Variants in TMEM209 observed in about 807,000 individuals in gnomAD.
The protein encoded by TMEM209 is transmembrane protein 209.
Under a neutral mutation model 76.2 loss-of-function variants are expected in TMEM209, and 65 were observed. The ratio of observed to expected loss-of-function variants is 0.85; its 90% confidence interval spans 0.70 to 1.05. The LOEUF is 1.05. Ranked by LOEUF, TMEM209 falls within the 50% of genes least tolerant of loss-of-function variation. The pLI is 0.00. For missense variants in TMEM209, 623 were observed against 685.5 expected (o/e 0.91, Z 1.02); for synonymous variants, 239 against 237.6 (o/e 1.01, Z -0.06).
At chr7:130,188,592 T>A (rs1302429901) in intron 6 of TMEM209, among the ~76,000 whole-genome samples, 3 of 78,354 alleles carry the variant, frequency 3.8e-5, no homozygotes, top group Non-Finnish European at 4.6e-5. Flanking sequence ...TGAGACTCCG[T>A]ATCAAAAAAA....
rs377325560 is a variant in TMEM209 at position 130,192,739 on chromosome 7, G to T, written c.658C>A (p.Arg220Ser). 38 of 1,613,744 alleles carry T rather than the reference G, an allele frequency of 2.4e-5. No homozygotes were observed. The highest frequency in any genetic ancestry group is 3.3e-5 in the South Asian group (3 of 91,080). Residue 220 changes from arginine (R) to serine (S), a missense_variant, in exon 6 of 15, where the codon CGT becomes AGT. Transcript: ENST00000397622. ...GAGTTGTAGACGGTAGGTGAAGAAC[G>T]GTAGCGAGATCTCAATCCACTGCTC... Reference protein sequence around the residue: ...VESSGLRSRYRSSPTVYNSPT... With the variant: ...VESSGLRSRYSSSPTVYNSPT...
rs1026203708 is a variant in TMEM209 at position 130,172,343 on chromosome 7, T to A, written c.1557+1289A>T. Among the ~76,000 whole-genome samples, 13 of 152,024 alleles carry A rather than the reference T, an allele frequency of 8.6e-5. No homozygotes were observed. In the East Asian group the frequency reaches 2.5e-3, roughly 29 times the overall value. ...CATTTTCAGCAGTATTTATTTATTT[T>A]ATTTTATTTATTTTTTTGAGACGGA... On this transcript the variant is annotated intron_variant, in intron 13 of 14. Transcript: ENST00000397622.
Position 130,196,979 on chromosome 7 carries a change from C to T in TMEM209, c.574-4156G>A, listed in dbSNP as rs148679931. On this transcript the variant is annotated intron_variant, in intron 5 of 14. Coordinates refer to ENST00000397622, the MANE Select transcript of TMEM209 (RefSeq NM_032842.4). ...TGGTGGCTCATGCCTGTAATCCCAGCACTTTGGGAGGCTGAGGCAGGAAGA... is the reference window on the plus strand; with the variant it reads ...TGGTGGCTCATGCCTGTAATCCCAGTACTTTGGGAGGCTGAGGCAGGAAGA... Among the ~76,000 whole-genome samples the T allele has an allele frequency of 3.3e-3, 506 of 152,274 alleles. 2 individuals carry two copies. The highest frequency in any genetic ancestry group is 0.011 in the African/African-American group (473 of 41,548).
At chr7:130,170,303 T>C in intron 14 of TMEM209, 97 bp downstream of exon 14, 1 of 1,023,904 alleles carries the variant, frequency 9.8e-7, no homozygotes, top group East Asian at 2.4e-5. Flanking sequence ...GTTCAATCCA[T>C]AAACCTTCAG....
intron 1 of TMEM209, among the ~76,000 whole-genome samples, chr7:130,204,503 G>A (rs1024267481): frequency 6.6e-6 from 1 of 152,046 alleles, no homozygotes; most frequent in Non-Finnish European, 1.5e-5. Flanking sequence ...CACCGCGTCC[G>A]ACTGATTTTT....
intron 1 of TMEM209, among the ~76,000 whole-genome samples, chr7:130,204,805 G>A (rs1798374210): frequency 6.6e-6 from 1 of 152,180 alleles, no homozygotes; most frequent in Non-Finnish European, 1.5e-5. Flanking sequence ...AGTTTTGGGA[G>A]ACTATATTCC....
chr7:130,170,690 G>C (rs1797039425), intron 13 of TMEM209, among the ~76,000 whole-genome samples: 1 of 152,206 alleles, frequency 6.6e-6, no homozygotes, highest in South Asian at 2.1e-4. Context: ...GGACATAAGG[G>C]CCAGTAGGAA....
intron 5 of TMEM209, chr7:130,199,892 G>T (rs1798126175): frequency 6.6e-6 from 1 of 152,002 alleles, no homozygotes; most frequent in Non-Finnish European, 1.5e-5. Context: ...CACAGCAAGT[G>T]AACAGAATCA....
At chr7:130,179,247 G>T (rs1797335397) in intron 9 of TMEM209, among the ~76,000 whole-genome samples, 1 of 152,060 alleles carries the variant, frequency 6.6e-6, no homozygotes, top group Non-Finnish European at 1.5e-5. Context: ...AGGAATAAAT[G>T]AAAGAAAGCA....
At chr7:130,187,498 G>C (rs1247359379) in intron 6 of TMEM209, among the ~76,000 whole-genome samples, 4 of 152,060 alleles carry the variant, frequency 2.6e-5, no homozygotes, top group Admixed American at 6.5e-5. Flanking sequence ...GAGGCAGAGA[G>C]TTGGGCTGAC....
In TMEM209 at chr7:130,205,404, G is replaced by C; in HGVS notation, c.-29C>G. 1 of 1,613,616 alleles carries C rather than the reference G, an allele frequency of 6.2e-7. No individual in the cohort carries two copies. Among genetic ancestry groups the C allele is most frequent in the South Asian group, 1.1e-5 (1 of 91,072 alleles). On this transcript the variant is annotated 5_prime_UTR_variant, in exon 1 of 15. Coordinates refer to ENST00000397622, the MANE Select transcript of TMEM209 (RefSeq NM_032842.4). ...CTCTGGCCGGAAAACGCAGGCTCGC[G>C]CCACTCTCTCTGGGCATGCGCAAAG...
chr7:130,168,227 T>C (rs1402011028), intron 14 of TMEM209, among the ~76,000 whole-genome samples: 3 of 152,132 alleles, frequency 2.0e-5, no homozygotes, highest in African/African-American at 7.2e-5. Context: ...GAACCAAAAA[T>C]TAATTGCTTA....
intron 8 of TMEM209, among the ~76,000 whole-genome samples, chr7:130,182,640 T>A (rs1387150865): frequency 1.3e-5 from 2 of 152,240 alleles, no homozygotes; most frequent in African/African-American, 4.8e-5. Context: ...TAAGGATACA[T>A]CCCATCTGGT....
Position 130,173,881 on chromosome 7 carries a change from T to C in TMEM209, c.1403A>G (p.Tyr468Cys). 6.2e-7 allele frequency: 1 copy of C among 1,613,972 alleles called. No individual in the cohort carries two copies. Among genetic ancestry groups the C allele is most frequent in the African/African-American group, 1.3e-5 (1 of 75,070 alleles). The change falls in exon 12 of 15, where the codon TAT (tyrosine) becomes TGT (cysteine). Residue 468 changes from tyrosine to cysteine, a missense_variant. Tyr to Cys is a radical substitution (Grantham distance 194). Transcript: ENST00000397622. Reference sequence around the variant, plus strand: ...AGAAGTAAAAGTTTTTCCGTCGGGATACTTCGGATGTGGAGGTAATCTGGA... The same window carrying C: ...AGAAGTAAAAGTTTTTCCGTCGGGACACTTCGGATGTGGAGGTAATCTGGA... ...LDSRLPPHPK[Y>C]PDGKTFTSQH...
At chr7:130,180,966 C>T (rs900522037) in intron 9 of TMEM209, among the ~76,000 whole-genome samples, 6 of 152,180 alleles carry the variant, frequency 3.9e-5, no homozygotes, top group African/African-American at 1.4e-4. Flanking sequence ...AGGTATATAC[C>T]CAGGAGAAAT....
chr7:130,188,099 G>A (rs1368888322), intron 6 of TMEM209, among the ~76,000 whole-genome samples: 1 of 151,992 alleles, frequency 6.6e-6, no homozygotes, highest in Non-Finnish European at 1.5e-5. Flanking sequence ...AATTGAAAAG[G>A]ACCAAATAAA....
At chr7:130,182,991 G>A (rs1019142957) in intron 8 of TMEM209, among the ~76,000 whole-genome samples, 1 of 151,996 alleles carries the variant, frequency 6.6e-6, no homozygotes, top group East Asian at 1.9e-4. Context: ...TAAATTATAC[G>A]GTACAGGTAT....
chr7:130,186,012 GTC>G (rs1484182586), intron 6 of TMEM209, among the ~76,000 whole-genome samples: 2 of 152,166 alleles, frequency 1.3e-5, no homozygotes, highest in Non-Finnish European at 1.5e-5. Context: ...TATAGTTTTT[GTC>G]TGTTTTCCCA....
At chr7:130,185,078 A>G in intron 7 of TMEM209, 114 bp downstream of exon 7, 1 of 1,276,922 alleles carries the variant, frequency 7.8e-7, no homozygotes, top group Non-Finnish European at 1.1e-6. Flanking sequence ...TGTGTGCCAG[A>G]TTTACATTTC....
Sources: allele counts gnomAD v4.1 joint callset (sites outside exome capture counted in the v4.1 genomes callset), GRCh38; gene constraint gnomAD v4.1.1; transcripts MANE v1.5; gene names NCBI Gene and HGNC (gene_info 2026-07-23, HGNC 2026-07-21).